Variants in HEPH observed in about 807,000 individuals in gnomAD.
The protein encoded by HEPH is hephaestin.
In HEPH, 69 loss-of-function variants were observed where a neutral mutation model predicts 80.8. That is an observed-to-expected ratio of 0.85 (90% CI 0.70 to 1.04). HEPH has a LOEUF of 1.04. HEPH is among the 50% of genes least tolerant of loss of function. The pLI is 0.00. For missense variants in HEPH, 1,115 were observed against 891.3 expected, an observed-to-expected ratio of 1.25 and a Z score of -3.20; for synonymous variants, 431 against 322.8, an observed-to-expected ratio of 1.34 and a Z score of -3.60.
intron 15 of HEPH, among the ~76,000 whole-genome samples, chrX:66,250,476 G>T (rs773163965): frequency 9.0e-6 from 1 of 111,174 alleles, no homozygotes; most frequent in African/African-American, 3.3e-5. Context: ...AATCACCACC[G>T]CAATCAGGAA....
intron 15 of HEPH, among the ~76,000 whole-genome samples, chrX:66,220,321 A>C (rs1474920244): frequency 1.8e-5 from 2 of 111,638 alleles, no homozygotes; most frequent in Admixed American, 9.5e-5. Flanking sequence ...GGTTTGAAAT[A>C]CTGGCTCAGG....
At chrX:66,172,247 T>C in intron 2 of HEPH, 108 bp from the exon 3 acceptor site, 3 of 734,133 alleles carry the variant, frequency 4.1e-6, no homozygotes, top group Non-Finnish European at 5.8e-6. Context: ...TCCTCTTGTT[T>C]TGTCCTAAAC....
chrX:66,183,729 C>A lies in HEPH; in HGVS notation c.626-4630C>A, dbSNP rs2087270011. Among the ~76,000 whole-genome samples the A allele has an allele frequency of 5.0e-5, 2 of 39,760 alleles. 1 individual carries two copies. Among genetic ancestry groups the A allele is most frequent in the Non-Finnish European group, 7.2e-5 (2 of 27,644 alleles). The allele number at this position is 39,760 out of a possible 115,157, so 34.5% of individuals were successfully genotyped here. A position where few individuals can be genotyped will look rare whatever the true frequency, so the allele number is the denominator to read the frequency against. ...AGTTCTGCTCTGATTTTAGTTATTT[C>A]TTGCCTTCTGCTAGCTTTTGAATGT... On this transcript the variant is annotated intron_variant, in intron 4 of 20. Transcript: ENST00000343002.
At chrX:66,234,157 C>T (rs1180662835) in intron 15 of HEPH, among the ~76,000 whole-genome samples, 1 of 111,010 alleles carries the variant, frequency 9.0e-6, no homozygotes, top group African/African-American at 3.3e-5. Flanking sequence ...TGAGAACATG[C>T]AGTATTTGGT....
In HEPH at chrX:66,200,737, C is replaced by A. The variant is rs867106700; in HGVS notation, c.2062C>A (p.Gln688Lys). Residue 688 changes from glutamine to lysine, a missense_variant, in exon 12 of 21, where the codon CAG becomes AAG. This residue lies in a region of HEPH where 716 missense variants were observed against 523.5 expected (regional missense o/e 1.37). Coordinates refer to ENST00000343002, the MANE Select transcript of HEPH (RefSeq NM_001367233.3). The stretch of plus-strand genomic sequence containing the variant: ...TCATACCTTTGTCATGGCCATCATG[C>A]AGCCTGACAACCTTGGTAAGTGCCT... ...FPHTFVMAIM[Q>K]PDNLGTFEIY... 3 of 1,209,436 alleles carry A rather than the reference C, an allele frequency of 2.5e-6. 1 individual carries two copies. The South Asian group carries it at 5.3e-5, about 21-fold the overall frequency.
chrX:66,173,943 G>T, intron 4 of HEPH, 142 bp downstream of exon 4: 1 of 380,374 alleles, frequency 2.6e-6, no homozygotes, highest in Non-Finnish European at 4.3e-6. Context: ...AAAAATCTCT[G>T]CTAAACTCAC....
At chrX:66,197,265 A>G (rs778418521) in intron 9 of HEPH, among the ~76,000 whole-genome samples, 65 of 110,743 alleles carry the variant, frequency 5.9e-4, no homozygotes, top group Non-Finnish European at 9.4e-4. Flanking sequence ...AAAAAATTAA[A>G]TAATCAGAGC....
At chrX:66,242,221 T>G (rs953620789) in intron 15 of HEPH, among the ~76,000 whole-genome samples, 8 of 111,267 alleles carry the variant, frequency 7.2e-5, no homozygotes, top group Admixed American at 5.7e-4. Context: ...GCTGCACATG[T>G]AGAACCATCT....
upstream of HEPH, among the ~76,000 whole-genome samples, chrX:66,163,812 G>A (rs867544525): frequency 3.6e-5 from 4 of 112,106 alleles, no homozygotes; most frequent in Admixed American, 9.5e-5. Context: ...CATCTCACAG[G>A]ATAATTGTGA....
intron 20 of HEPH, among the ~76,000 whole-genome samples, chrX:66,265,275 C>A (rs2091500765): frequency 9.0e-6 from 1 of 110,548 alleles, no homozygotes; most frequent in African/African-American, 3.3e-5. Flanking sequence ...TAAGACATAG[C>A]CGCTATTTTT....
chrX:66,237,406 G>T (rs1053081182), intron 15 of HEPH, among the ~76,000 whole-genome samples: 1 of 112,055 alleles, frequency 8.9e-6, no homozygotes, highest in African/African-American at 3.2e-5. Context: ...TCATTCAGAA[G>T]CAGGTTATTC....
intron 15 of HEPH, among the ~76,000 whole-genome samples, chrX:66,231,721 A>C (rs1323604130): frequency 3.7e-5 from 4 of 108,973 alleles, no homozygotes; most frequent in Non-Finnish European, 5.7e-5. Context: ...TGTCTTCTGC[A>C]AACAGGGACA....
intron 15 of HEPH, among the ~76,000 whole-genome samples, chrX:66,237,013 T>G (rs1031584669): frequency 1.8e-5 from 2 of 111,569 alleles, no homozygotes; most frequent in African/African-American, 6.5e-5. Flanking sequence ...TCTTTCTTTC[T>G]TCTTTATTAA....
chrX:66,222,542 A>T (rs1161281657), intron 15 of HEPH, among the ~76,000 whole-genome samples: 2 of 112,300 alleles, frequency 1.8e-5, no homozygotes, highest in African/African-American at 6.5e-5. Flanking sequence ...ATCCTCTAGT[A>T]AAATGAATGT....
Position 66,192,295 on chromosome X carries a change from G to T in HEPH, c.1229G>T (p.Gly410Val). 8.3e-7 allele frequency: 1 copy of T among 1,204,277 alleles called. No homozygotes were observed. The change falls in exon 7 of 21, where the codon GGC becomes GTC. Residue 410 changes from glycine to valine, a missense_variant. Physicochemically the swap from Gly to Val is moderately radical, Grantham distance 109. Coordinates refer to ENST00000343002, the MANE Select transcript of HEPH (RefSeq NM_001367233.3). ...GSTGKNLREP[G>V]SISDKFFQKS... ...ACTGGGAAGAATTTGAGAGAGCCAG[G>T]CAGGTAAGAGGCAGTGGGATCCCTC... is the stretch of plus-strand genomic sequence containing the variant.
chrX:66,220,455 T>C (rs542750391), intron 15 of HEPH, among the ~76,000 whole-genome samples: 3 of 111,246 alleles, frequency 2.7e-5, no homozygotes, highest in African/African-American at 9.8e-5. Context: ...TGGTTATTAC[T>C]AGCTTTAAGG....
At chrX:66,252,045 G>C (rs980592787) in intron 15 of HEPH, among the ~76,000 whole-genome samples, 3 of 111,876 alleles carry the variant, frequency 2.7e-5, no homozygotes, top group Non-Finnish European at 5.6e-5. Context: ...GAAGATAATA[G>C]CGCAGACTAT....
chrX:66,244,626 A>G lies in HEPH; in HGVS notation c.2564-10409A>G, dbSNP rs995370916. On this transcript the variant is annotated intron_variant, in intron 15 of 20. Coordinates refer to ENST00000343002, the MANE Select transcript of HEPH (RefSeq NM_001367233.3). Reference sequence around the variant, plus strand: ...CTCCTGAATGTTGATCTTCATTCCTATCCATACTCTGAATTTTATTTCTGA... The same window carrying G: ...CTCCTGAATGTTGATCTTCATTCCTGTCCATACTCTGAATTTTATTTCTGA... 7.2e-5 allele frequency among the ~76,000 whole-genome samples: 8 copies of G among 111,408 alleles called. No homozygotes were observed. The East Asian group carries it at 2.0e-3, about 27-fold the overall frequency.
chrX:66,214,022 A>T (rs2089277192), intron 15 of HEPH, among the ~76,000 whole-genome samples: 1 of 112,419 alleles, frequency 8.9e-6, no homozygotes, highest in Non-Finnish European at 1.9e-5. Context: ...TCCCTATTGC[A>T]CTACCCCCTT....
Sources: allele counts gnomAD v4.1 joint callset (sites outside exome capture counted in the v4.1 genomes callset), GRCh38; gene constraint gnomAD v4.1.1; regional missense constraint gnomAD v4.1.1; transcripts MANE v1.5; gene names NCBI Gene and HGNC (gene_info 2026-07-23, HGNC 2026-07-21).